LUZP1: variants seen among roughly 807,000 people sequenced by gnomAD.
The protein encoded by LUZP1 is filamin mechanobinding actin cross-linking protein.
LUZP1 carries 25 observed loss-of-function variants against 71.3 expected under a neutral mutation model. The ratio of observed to expected loss-of-function variants is 0.35; its 90% CI spans 0.26 to 0.49. LUZP1 has a LOEUF of 0.49. Ranked by LOEUF, LUZP1 falls within the 20% of genes least tolerant of loss-of-function variation. The pLI is 0.99. For synonymous variants in LUZP1, 481 were observed against 506.4 expected (o/e 0.95, Z 0.67); for missense variants, 1,142 against 1,300.8 (o/e 0.88, Z 1.88).
chr1:23,149,001 A>G (rs1644363036), intron 2 of LUZP1, among the ~76,000 whole-genome samples: 1 of 136,282 alleles, frequency 7.3e-6, no homozygotes, highest in Non-Finnish European at 1.5e-5. Context: ...GGATCACTTG[A>G]GCCTGGGAGG....
chr1:23,121,090 T>G lies in LUZP1; in HGVS notation c.-225-11963A>C, dbSNP rs562469028. Among the ~76,000 whole-genome samples, 21 of 152,310 alleles carry G rather than the reference T, an allele frequency of 1.4e-4. No individual in the cohort carries two copies. The South Asian group carries it at 4.3e-3, about 32-fold the overall frequency. ...CCCCAAGATTACAAACAACCACATT[T>G]ATAAGCTGCTGGCTTATATCTTTAT... is the stretch of plus-strand genomic sequence containing the variant. On this transcript the variant is annotated intron_variant, in intron 2 of 4. Coordinates refer to ENST00000302291, the Ensembl canonical transcript of LUZP1.
chr1:23,116,885 T>C (rs568286610), intron 2 of LUZP1, among the ~76,000 whole-genome samples: 13 of 152,204 alleles, frequency 8.5e-5, no homozygotes, highest in Non-Finnish European at 1.9e-4. Flanking sequence ...CTAGAAGTTT[T>C]TTGTTTTACA....
At chr1:23,109,320 C>T (rs1644009610) in intron 2 of LUZP1, among the ~76,000 whole-genome samples, 193 bp from the exon 2 acceptor site, 1 of 152,180 alleles carries the variant, frequency 6.6e-6, no homozygotes, top group Non-Finnish European at 1.5e-5. Flanking sequence ...TCAGGAAAGT[C>T]AAGAAAGAAT....
chr1:23,115,020 G>C (rs952008930), intron 2 of LUZP1, among the ~76,000 whole-genome samples: 2 of 152,062 alleles, frequency 1.3e-5, no homozygotes, highest in African/African-American at 4.8e-5. Context: ...CTAAGTAGAG[G>C]CATACCATTT....
intron 2 of LUZP1, among the ~76,000 whole-genome samples, chr1:23,145,186 C>A (rs1644332417): frequency 6.6e-6 from 1 of 151,848 alleles, no homozygotes; most frequent in Non-Finnish European, 1.5e-5. Flanking sequence ...TACAGGTGAG[C>A]CACTATGCCC....
chr1:23,093,253 C>T lies in LUZP1; in HGVS notation c.1009G>A (p.Ala337Thr), dbSNP rs1212004381. ...AGCTTTATCTCCTCCAGTTGGCTGG[C>T]TAATAATTTGTTTTTATTTTGTTCA... The change falls in exon 4 of 5, where the codon GCC (alanine) becomes ACC (threonine). Residue 337 changes from alanine (A) to threonine (T), a missense_variant. Coordinates refer to ENST00000302291, the Ensembl canonical transcript of LUZP1. This position sits in a 1 kb window ranked among gnomAD's most constrained non-coding sequence, Gnocchi z 4.2. The T allele has an allele frequency of 2.5e-6, 4 of 1,612,944 alleles. No individual in the cohort carries two copies. The Admixed American group carries it at 5.0e-5, about 20-fold the overall frequency.
intron 2 of LUZP1, among the ~76,000 whole-genome samples, chr1:23,166,328 T>G (rs560651202): frequency 6.6e-6 from 1 of 152,206 alleles, no homozygotes; most frequent in East Asian, 1.9e-4. Context: ...GACAGCCACT[T>G]TACTTTCTGA....
intron 2 of LUZP1, among the ~76,000 whole-genome samples, chr1:23,139,019 A>AATATATATATATATAT (rs1225155907): frequency 3.0e-4 from 18 of 59,946 alleles, no homozygotes; most frequent in African/African-American, 9.3e-4. Flanking sequence ...AAAAAAAAAA[A>AATATATATATATATAT]ATATATATAT....
At chr1:23,145,759 C>G (rs1364923709) in intron 2 of LUZP1, among the ~76,000 whole-genome samples, 2 of 152,158 alleles carry the variant, frequency 1.3e-5, no homozygotes, top group Non-Finnish European at 2.9e-5. Flanking sequence ...CGGCGTGAGC[C>G]ACTGCAGCTG....
intron 2 of LUZP1, among the ~76,000 whole-genome samples, chr1:23,138,513 G>A (rs1196310783): frequency 1.3e-5 from 2 of 152,120 alleles, no homozygotes; most frequent in African/African-American, 4.8e-5. Context: ...AACGGAGAGT[G>A]ACTGCTAATG....
intron 2 of LUZP1, among the ~76,000 whole-genome samples, chr1:23,129,551 A>T (rs1022410185): frequency 6.6e-6 from 1 of 152,224 alleles, no homozygotes; most frequent in East Asian, 1.9e-4. Context: ...ACTGCACTCC[A>T]CCTTGAGCAA....
Position 23,154,380 on chromosome 1 carries a change from T to A in LUZP1, c.-226+14386A>T, listed in dbSNP as rs546740518. ...GACCCCCATCTCTACAAAAAAAAAA[T>A]TTTTTTTTAATTACCAGGCATGGTG... On this transcript the variant is annotated intron_variant, in intron 2 of 4. Transcript: ENST00000302291. 3.6e-4 allele frequency among the ~76,000 whole-genome samples: 54 copies of A among 151,036 alleles called. No homozygotes were observed. In the East Asian group the frequency reaches 4.7e-3, roughly 13 times the overall value.
chr1:23,084,140 A>G (rs187790123), exon 5 of LUZP1: 1 of 152,196 alleles, frequency 6.6e-6, no homozygotes, highest in Non-Finnish European at 1.5e-5. Context: ...ACTACATAGG[A>G]TCAAGGGCTT....
At chr1:23,159,574 G>C (rs139208596) in intron 2 of LUZP1, among the ~76,000 whole-genome samples, 5 of 152,196 alleles carry the variant, frequency 3.3e-5, no homozygotes, top group Non-Finnish European at 4.4e-5. Flanking sequence ...GAATACATGA[G>C]ATTATGAGCT....
At chr1:23,138,221 G>A (rs531036285) in intron 2 of LUZP1, among the ~76,000 whole-genome samples, 2 of 152,150 alleles carry the variant, frequency 1.3e-5, no homozygotes, top group South Asian at 2.1e-4. Context: ...CAATCCACCC[G>A]CCTCAGCTTC....
In LUZP1 at chr1:23,110,755, G is replaced by A. The variant is rs375814820; in HGVS notation, c.-225-1628C>T. Among the ~76,000 whole-genome samples the A allele has an allele frequency of 1.7e-4, 26 of 152,224 alleles. 1 individual carries two copies. The South Asian group carries it at 5.4e-3, about 32-fold the overall frequency. On this transcript the variant is annotated intron_variant, in intron 2 of 4. Coordinates refer to ENST00000302291, the Ensembl canonical transcript of LUZP1. ...GTTTTTTAAAAACAGCTTAAAAGAT[G>A]AGGGGAACAGTAGTAACTCAAGCCT...
At chr1:23,113,685 T>C (rs980906024) in intron 2 of LUZP1, among the ~76,000 whole-genome samples, 11 of 151,736 alleles carry the variant, frequency 7.2e-5, no homozygotes, top group African/African-American at 2.7e-4. Context: ...ATCGGGACCA[T>C]TCTGACCAAC....
intron 2 of LUZP1, among the ~76,000 whole-genome samples, chr1:23,138,663 T>TGTGTGTGTGTGTGTG (rs1553140068): frequency 8.0e-6 from 1 of 125,610 alleles, no homozygotes; most frequent in Non-Finnish European, 1.6e-5. Flanking sequence ...GATTATGTGT[T>TGTGTGTGTGTGTGTG]TGTGTGTGTG....
At chr1:23,117,516 G>T (rs1337300808) in intron 2 of LUZP1, among the ~76,000 whole-genome samples, 1 of 77,732 alleles carries the variant, frequency 1.3e-5, no homozygotes, top group Non-Finnish European at 2.4e-5. Context: ...CTGGGGGGGG[G>T]GGCGGGGGGG....
Sources: gnomAD v4.1 joint callset for allele counts (sites outside exome capture counted in the v4.1 genomes callset) on GRCh38, gnomAD v4.1.1 for gene constraint, Gnocchi (gnomAD v3.1) non-coding constraint, MANE v1.5 for transcripts, NCBI Gene and HGNC (gene_info 2026-07-23, HGNC 2026-07-21) for gene names.